Variants in ST6GALNAC3 observed in about 807,000 individuals in gnomAD.
ST6GALNAC3 encodes alpha-N-acetylgalactosaminide alpha-2,6-sialyltransferase 3.
ST6GALNAC3 carries 25 observed loss-of-function variants against 32.7 expected under a neutral mutation model. The observed-to-expected ratio is 0.76, with a 90% CI of 0.56 to 1.07. The LOEUF (loss-of-function observed/expected upper bound fraction) is 1.07, where lower values mean the gene tolerates loss of function less well. Ranked by LOEUF, ST6GALNAC3 falls within the 50% of genes least tolerant of loss-of-function variation. The pLI, the probability that ST6GALNAC3 is intolerant of heterozygous loss-of-function variation, is 0.00. For synonymous variants in ST6GALNAC3, 129 were observed against 133.1 expected, an observed-to-expected ratio of 0.97 and a Z score of 0.21; for missense variants, 355 against 382.4, an observed-to-expected ratio of 0.93 and a Z score of 0.60.
chr1:76,333,243 G>A (rs1283911777), intron 2 of ST6GALNAC3, among the ~76,000 whole-genome samples: 5 of 152,144 alleles, frequency 3.3e-5, no homozygotes, highest in Non-Finnish European at 7.4e-5. Flanking sequence ...AGCAAGATTT[G>A]CATTGCATAC....
At chr1:76,338,998 C>T (rs766457073) in intron 2 of ST6GALNAC3, among the ~76,000 whole-genome samples, 6 of 152,040 alleles carry the variant, frequency 3.9e-5, no homozygotes, top group South Asian at 2.1e-4. Context: ...GTCAATTGGT[C>T]GCCATCCTAT....
intron 1 of ST6GALNAC3, among the ~76,000 whole-genome samples, chr1:76,246,259 T>C (rs1018366687): frequency 3.9e-5 from 6 of 152,176 alleles, no homozygotes; most frequent in African/African-American, 1.4e-4. Context: ...TTCCATTTGC[T>C]TGGTAAATAT....
At chr1:76,140,689 A>C (rs1207594147) in intron 1 of ST6GALNAC3, among the ~76,000 whole-genome samples, 2 of 147,988 alleles carry the variant, frequency 1.4e-5, no homozygotes, top group African/African-American at 2.5e-5. Flanking sequence ...CAGTGGTGCA[A>C]TCACAGCTCC....
chr1:76,141,831 G>A (rs887976886), intron 1 of ST6GALNAC3, among the ~76,000 whole-genome samples: 4 of 152,134 alleles, frequency 2.6e-5, no homozygotes, highest in Non-Finnish European at 5.9e-5. Flanking sequence ...GAGAGGCTCT[G>A]CAAGCCACCC....
intron 1 of ST6GALNAC3, among the ~76,000 whole-genome samples, chr1:76,298,058 T>C (rs989242982): frequency 1.3e-5 from 2 of 151,960 alleles, no homozygotes; most frequent in African/African-American, 2.4e-5. Context: ...GGTTAAAGTA[T>C]AGGGTACAAG....
In ST6GALNAC3 at chr1:76,074,809, G is replaced by C; in HGVS notation, c.-58G>C. 6.4e-7 allele frequency: 1 copy of C among 1,554,580 alleles called. No individual in the cohort carries two copies. Reference sequence around the variant, plus strand: ...GTACCAGCCTCCAGCCTGCCCCCAGGACTGCCCCTGACCCAGGCGCGCCCG... The same window carrying C: ...GTACCAGCCTCCAGCCTGCCCCCAGCACTGCCCCTGACCCAGGCGCGCCCG... On this transcript the variant is annotated 5_prime_UTR_variant, in exon 1 of 5. Coordinates refer to ENST00000328299, the MANE Select transcript of ST6GALNAC3 (RefSeq NM_152996.4).
At chr1:76,550,897 A>C (rs1664588401) in intron 3 of ST6GALNAC3, among the ~76,000 whole-genome samples, 1 of 152,030 alleles carries the variant, frequency 6.6e-6, no homozygotes, top group Non-Finnish European at 1.5e-5. Context: ...CTGGGATTAC[A>C]GCACCTGCCA....
In ST6GALNAC3 at chr1:76,604,116, A is replaced by G. The variant is rs532845373; in HGVS notation, c.624-23336A>G. ...AATGGTTGAATATTTGAAAAATGGG[A>G]AAAAAAATAAAGTTAGTGTTTCATT... On this transcript the variant is annotated intron_variant, in intron 3 of 4. Coordinates refer to ENST00000328299, the MANE Select transcript of ST6GALNAC3 (RefSeq NM_152996.4). 1.4e-3 allele frequency among the ~76,000 whole-genome samples: 208 copies of G among 152,148 alleles called. 1 individual carries two copies. Among genetic ancestry groups the G allele is most frequent in the African/African-American group, 4.6e-3 (190 of 41,506 alleles).
intron 1 of ST6GALNAC3, among the ~76,000 whole-genome samples, chr1:76,296,924 C>T: frequency 6.6e-6 from 1 of 151,972 alleles, no homozygotes; most frequent in Non-Finnish European, 1.5e-5. Flanking sequence ...TGGTGAAAAA[C>T]ATCAAATCTC....
At chr1:76,389,362 A>T (rs919705995) in intron 2 of ST6GALNAC3, among the ~76,000 whole-genome samples, 1 of 152,168 alleles carries the variant, frequency 6.6e-6, no homozygotes, top group Non-Finnish European at 1.5e-5. Context: ...AGTCCAGGGC[A>T]CCTGGAGCCA....
chr1:76,632,367 C>T lies in ST6GALNAC3; in HGVS notation c.*3561C>T, dbSNP rs1164530485. 2 of 152,132 alleles carry T rather than the reference C, an allele frequency of 1.3e-5. No homozygotes were observed. Among genetic ancestry groups the T allele is most frequent in the African/African-American group, 2.4e-5 (1 of 41,428 alleles). The allele number at this position is 152,132 out of a possible 1,614,324, so 9.4% of individuals were successfully genotyped here. A position where few individuals can be genotyped will look rare whatever the true frequency, so the allele number is the denominator to read the frequency against. The stretch of plus-strand genomic sequence containing the variant: ...AAATCAGACTTGTAAGTATAGCAAT[C>T]TGTATTGTAGGTTCTGCCGATTGCA... On this transcript the variant is annotated 3_prime_UTR_variant, in exon 5 of 5. Transcript: ENST00000328299.
rs17631958 is a variant in ST6GALNAC3, at chr1:76,583,930, T to C, written c.624-43522T>C. Among the ~76,000 whole-genome samples, 592 of 152,342 alleles carry C rather than the reference T, an allele frequency of 3.9e-3. 3 individuals are homozygous for C. Among genetic ancestry groups the C allele is most frequent in the Non-Finnish European group, 6.2e-3 (421 of 68,024 alleles). On this transcript the variant is annotated intron_variant, in intron 3 of 4. Coordinates refer to ENST00000328299, the MANE Select transcript of ST6GALNAC3 (RefSeq NM_152996.4). ...CTTCAACAAAGATCTCCATATTTTT[T>C]TCAGGTAAAAGTCTACAAAGCCCAA...
chr1:76,119,124 G>A (rs1648686292), intron 1 of ST6GALNAC3, among the ~76,000 whole-genome samples: 1 of 152,212 alleles, frequency 6.6e-6, no homozygotes, highest in East Asian at 1.9e-4. Context: ...CCTGGCCGAT[G>A]GCAAGTTTTT....
At chr1:76,480,448 A>T (rs1659648868) in intron 3 of ST6GALNAC3, among the ~76,000 whole-genome samples, 1 of 152,204 alleles carries the variant, frequency 6.6e-6, no homozygotes, top group Non-Finnish European at 1.5e-5. Flanking sequence ...GCCACATGAA[A>T]CTAGGAAAAT....
intron 3 of ST6GALNAC3, among the ~76,000 whole-genome samples, chr1:76,546,190 A>G (rs1290129979): frequency 6.6e-6 from 1 of 152,206 alleles, no homozygotes; most frequent in Non-Finnish European, 1.5e-5. Flanking sequence ...AGCTTTTCAA[A>G]TGGAAGTGGT....
chr1:76,344,917 A>C (rs4517397), intron 2 of ST6GALNAC3, among the ~76,000 whole-genome samples: 150,190 of 152,286 alleles, frequency 0.99, 74,103 homozygotes, highest in East Asian at 1. Context: ...CCAACCAAGT[A>C]TCTCTCAGTG....
At chr1:76,345,191 C>G (rs931404138) in intron 2 of ST6GALNAC3, among the ~76,000 whole-genome samples, 1 of 152,168 alleles carries the variant, frequency 6.6e-6, no homozygotes, top group African/African-American at 2.4e-5. Flanking sequence ...CTCCCCCGGA[C>G]AGTGATGAGG....
chr1:76,085,707 C>T (rs186047408), intron 1 of ST6GALNAC3, among the ~76,000 whole-genome samples: 1 of 152,274 alleles, frequency 6.6e-6, no homozygotes, highest in African/African-American at 2.4e-5. Context: ...CTCTAACAAG[C>T]CACCAGGTGA....
At chr1:76,555,916 G>A (rs919515670) in intron 3 of ST6GALNAC3, among the ~76,000 whole-genome samples, 3 of 151,932 alleles carry the variant, frequency 2.0e-5, no homozygotes, top group African/African-American at 7.3e-5. Flanking sequence ...CCCATTTAAG[G>A]CATATGATAC....
Sources: gnomAD v4.1 joint callset for allele counts (sites outside exome capture counted in the v4.1 genomes callset) on GRCh38, gnomAD v4.1.1 for gene constraint, MANE v1.5 for transcripts, NCBI Gene and HGNC (gene_info 2026-07-23, HGNC 2026-07-21) for gene names.